The following ATL2 variants were observed in gnomAD, a reference collection of about 807,000 sequenced individuals.
ATL2 encodes atlastin-2.
In ATL2, 31 loss-of-function variants were observed where a neutral mutation model predicts 73.9. The ratio of observed to expected loss-of-function variants is 0.42; its 90% CI spans 0.32 to 0.57. The LOEUF (loss-of-function observed/expected upper bound fraction) is 0.57, where lower values mean the gene tolerates loss of function less well. ATL2 is among the 20% of genes least tolerant of loss of function. The probability of loss-of-function intolerance (pLI) is 0.14; values close to 1 mark genes in which losing one functional copy is unlikely to be tolerated. For synonymous variants in ATL2, 291 were observed against 237.5 expected (o/e 1.23, Z -2.07); for missense variants, 738 against 702.6 (o/e 1.05, Z -0.57).
chr2:38,360,084 C>G (rs949671062), intron 1 of ATL2, among the ~76,000 whole-genome samples: 45 of 143,450 alleles, frequency 3.1e-4, no homozygotes, highest in African/African-American at 1.1e-3. Context: ...GAGATGAGAT[C>G]GTCGTCCACT....
chr2:38,332,140 G>A (rs1477423103), intron 2 of ATL2, among the ~76,000 whole-genome samples: 1 of 152,172 alleles, frequency 6.6e-6, no homozygotes, highest in African/African-American at 2.4e-5. Context: ...CCTTCAGGTT[G>A]AGGGTTTGGA....
rs1198241214 is a variant in ATL2, at chr2:38,294,700, T to C, written c.*1294A>G. Among the ~76,000 whole-genome samples, 2 of 150,676 alleles carry C rather than the reference T, an allele frequency of 1.3e-5. No individual in the cohort carries two copies. Among genetic ancestry groups the C allele is most frequent in the South Asian group, 4.2e-4 (2 of 4,796 alleles). Reference sequence around the variant, plus strand: ...TCCCCATCTACAACTAGGCTAATCATAGGTTTTCCCTTATAGAGACAGACA... The same window carrying C: ...TCCCCATCTACAACTAGGCTAATCACAGGTTTTCCCTTATAGAGACAGACA... On this transcript the variant is annotated 3_prime_UTR_variant, in exon 13 of 13. Transcript: ENST00000378954.
At chr2:38,332,488 G>A (rs1176905191) in intron 2 of ATL2, among the ~76,000 whole-genome samples, 5 of 152,110 alleles carry the variant, frequency 3.3e-5, no homozygotes, top group East Asian at 1.9e-4. Context: ...TTACAGGCAC[G>A]AGCCACCATG....
chr2:38,323,249 A>G (rs557426174), intron 2 of ATL2, among the ~76,000 whole-genome samples: 1 of 152,292 alleles, frequency 6.6e-6, no homozygotes, highest in African/African-American at 2.4e-5. Flanking sequence ...CAGAAATGCA[A>G]AAGTAATCCT....
At chr2:38,326,308 A>G (rs1668660834) in intron 2 of ATL2, among the ~76,000 whole-genome samples, 1 of 152,184 alleles carries the variant, frequency 6.6e-6, no homozygotes, top group Admixed American at 6.5e-5. Flanking sequence ...AACACGTTAA[A>G]CACAGCCCAT....
At position 38,349,177 on chromosome 2, in the gene ATL2, A is replaced by C. The variant is rs566508442; in HGVS notation, c.119-5665T>G. Among the ~76,000 whole-genome samples the C allele has an allele frequency of 8.0e-3, 1,213 of 152,202 alleles. 15 individuals carry two copies. Among genetic ancestry groups the C allele is most frequent in the African/African-American group, 0.028 (1,159 of 41,490 alleles). ...ACCCAGTCATCCCATTACTGGGTAT[A>C]TACCCAAAGGACTATAAATCATGCT... On this transcript the variant is annotated intron_variant, in intron 1 of 12. Coordinates refer to ENST00000378954, the MANE Select transcript of ATL2 (RefSeq NM_001135673.4).
At chr2:38,300,401 CA>C in intron 9 of ATL2, 73 bp from the exon 10 acceptor site, 1 of 1,023,680 alleles carries the variant, frequency 9.8e-7, no homozygotes, top group South Asian at 1.4e-5. Context: ...AAAGAAAAGT[CA>C]TTAAATATAA....
At chr2:38,357,093 G>A (rs1004973344) in intron 1 of ATL2, among the ~76,000 whole-genome samples, 5 of 152,034 alleles carry the variant, frequency 3.3e-5, no homozygotes, top group African/African-American at 1.2e-4. Context: ...ACTTTGGGAG[G>A]CCGAGGCAGG....
intron 11 of ATL2, 75 bp downstream of exon 11, chr2:38,299,181 A>AT (rs1558382881): frequency 5.2e-6 from 7 of 1,343,354 alleles, no homozygotes; most frequent in African/African-American, 4.7e-5. Flanking sequence ...TTATTTAAAA[A>AT]ATTTTTTTAA....
Position 38,298,536 on chromosome 2 carries a change from G to A in ATL2, c.1240C>T (p.Leu414=). 6.2e-7 allele frequency: 1 copy of A among 1,614,144 alleles called. No individual in the cohort carries two copies. The highest frequency in any genetic ancestry group is 8.5e-7 in the Non-Finnish European group (1 of 1,179,988). Residue 414 remains leucine (L), a synonymous_variant, in exon 12 of 13, where the codon CTG becomes TTG. Coordinates refer to ENST00000378954, the MANE Select transcript of ATL2 (RefSeq NM_001135673.4). ...TTGAGATCCAAGTGTTTTCGCTCCA[G>A]ATCTGAAGGTGCAATGTAAGGCTTG... ...GDKPYIAPSD[L]ERKHLDLKEV...
intron 2 of ATL2, among the ~76,000 whole-genome samples, chr2:38,334,188 C>G (rs987012106): frequency 6.6e-6 from 1 of 151,740 alleles, no homozygotes; most frequent in Non-Finnish European, 1.5e-5. Context: ...TGCCACCACC[C>G]CTGGCTAATT....
At chr2:38,346,492 G>A (rs995189267) in intron 1 of ATL2, among the ~76,000 whole-genome samples, 2 of 152,046 alleles carry the variant, frequency 1.3e-5, no homozygotes, top group African/African-American at 2.4e-5. Flanking sequence ...TTAAACCAGC[G>A]GTCCCCAACC....
intron 1 of ATL2, among the ~76,000 whole-genome samples, chr2:38,371,878 C>T (rs1671710189): frequency 6.6e-6 from 1 of 152,174 alleles, no homozygotes; most frequent in South Asian, 2.1e-4. Flanking sequence ...GCCTGGGTGA[C>T]AGAGGGAGGC....
intron 2 of ATL2, among the ~76,000 whole-genome samples, chr2:38,343,000 G>C (rs1163844203): frequency 2.0e-5 from 3 of 149,318 alleles, no homozygotes; most frequent in Non-Finnish European, 4.5e-5. Context: ...GTTTTTTTAA[G>C]AGTTGGGCAT....
At chr2:38,309,351 A>G (rs770569074) in intron 9 of ATL2, 28 bp downstream of exon 9, 4 of 1,579,742 alleles carry the variant, frequency 2.5e-6, no homozygotes, top group Non-Finnish European at 3.4e-6. Context: ...TTTCTATCTT[A>G]GACAAAACTG....
intron 1 of ATL2, among the ~76,000 whole-genome samples, chr2:38,352,133 C>CAAAAAAAAAAAAA (rs778821586): frequency 9.4e-5 from 3 of 31,998 alleles, no homozygotes; most frequent in Non-Finnish European, 1.6e-4. Context: ...AAACAACAAC[C>CAAAAAAAAAAAAA]AAAAAAAAAA....
rs1202014341 is a variant in ATL2, at chr2:38,294,612, G to C, written c.*1382C>G. Among the ~76,000 whole-genome samples the C allele has an allele frequency of 7.2e-6, 1 of 139,596 alleles. No homozygotes were observed. The highest frequency in any genetic ancestry group is 1.5e-5 in the Non-Finnish European group (1 of 66,526). 91.6% of individuals were successfully genotyped at this position (139,596 alleles called of 152,430 possible). A position where few individuals can be genotyped will look rare whatever the true frequency, so the allele number is the denominator to read the frequency against. ...TCACAAAGAAGACCACAAAAGTACT[G>C]AAAAAATGCTAGCCTTACATATACC... On this transcript the variant is annotated 3_prime_UTR_variant, in exon 13 of 13. Coordinates refer to ENST00000378954, the MANE Select transcript of ATL2 (RefSeq NM_001135673.4).
At chr2:38,300,401 C>A (rs1358041206) in intron 9 of ATL2, 73 bp from the exon 10 acceptor site, 2 of 1,023,562 alleles carry the variant, frequency 2.0e-6, no homozygotes, top group African/African-American at 1.6e-5. Flanking sequence ...AAAGAAAAGT[C>A]ATTAAATATA....
At chr2:38,366,942 G>A (rs576370506) in intron 1 of ATL2, among the ~76,000 whole-genome samples, 5 of 152,200 alleles carry the variant, frequency 3.3e-5, no homozygotes, top group African/African-American at 1.2e-4. Flanking sequence ...ACCCTCAAGA[G>A]AAGAGATGAT....
Sources: allele counts gnomAD v4.1 joint callset (sites outside exome capture counted in the v4.1 genomes callset), GRCh38; gene constraint gnomAD v4.1.1; transcripts MANE v1.5; gene names NCBI Gene and HGNC (gene_info 2026-07-23, HGNC 2026-07-21).